ADGRL3: variants seen among roughly 807,000 people sequenced by gnomAD.
The protein encoded by ADGRL3 is adhesion G protein-coupled receptor L3.
ADGRL3 carries 62 observed loss-of-function variants against 153.5 expected under a neutral mutation model. The ratio of observed to expected loss-of-function variants is 0.40; its 90% CI spans 0.33 to 0.50. ADGRL3 has a LOEUF of 0.50. Among genes scored for constraint, ADGRL3 ranks in the 20% least tolerant of loss-of-function variants. The pLI is 0.47. For missense variants in ADGRL3, 1,641 were observed against 1,859.4 expected, an observed-to-expected ratio of 0.88 and a Z score of 2.16; for synonymous variants, 710 against 672.5, an observed-to-expected ratio of 1.06 and a Z score of -0.86.
At chr4:61,929,663 G>C (rs573530555) in intron 13 of ADGRL3, among the ~76,000 whole-genome samples, 1 of 152,294 alleles carries the variant, frequency 6.6e-6, no homozygotes, top group African/African-American at 2.4e-5. Context: ...CCTTCATAAA[G>C]CTTGCCGTCT....
At chr4:61,507,298 G>C (rs145482657) in intron 3 of ADGRL3, among the ~76,000 whole-genome samples, 1 of 152,230 alleles carries the variant, frequency 6.6e-6, no homozygotes, top group African/African-American at 2.4e-5. Context: ...AGGCCTTTTA[G>C]ATTAGTTACA....
rs574545708 is a variant in ADGRL3, at chr4:61,232,900, C to T, written c.-240+31135C>T. On this transcript the variant is annotated intron_variant, in intron 1 of 26. Coordinates refer to ENST00000683033, the MANE Select transcript of ADGRL3 (RefSeq NM_001387552.1). Reference sequence around the variant, plus strand: ...CAATGCTATACTGTGAAACTGTCATCAGGACTTTGACTTACCCAACATTGT... The same window carrying T: ...CAATGCTATACTGTGAAACTGTCATTAGGACTTTGACTTACCCAACATTGT... Among the ~76,000 whole-genome samples, 112 of 152,174 alleles carry T rather than the reference C, an allele frequency of 7.4e-4. No homozygotes were observed. The South Asian group carries it at 8.5e-3, about 12-fold the overall frequency.
chr4:61,319,919 T>G (rs1195068508), intron 1 of ADGRL3, among the ~76,000 whole-genome samples: 1 of 152,172 alleles, frequency 6.6e-6, no homozygotes, highest in African/African-American at 2.4e-5. Flanking sequence ...GCAGCCCAGT[T>G]CATATATTGA....
intron 8 of ADGRL3, among the ~76,000 whole-genome samples, chr4:61,781,331 C>CAAAAAAAAAA (rs71281828): frequency 7.8e-5 from 5 of 64,426 alleles, no homozygotes; most frequent in African/African-American, 2.0e-4. Context: ...ATTCTGCCTC[C>CAAAAAAAAAA]AAAAAAAAAA....
chr4:62,061,561 A>G (rs746347877), intron 25 of ADGRL3, among the ~76,000 whole-genome samples: 6 of 152,014 alleles, frequency 3.9e-5, no homozygotes, highest in Non-Finnish European at 8.8e-5. Flanking sequence ...AGATAATTTT[A>G]TCACCACAAG....
At chr4:61,649,150 G>A (rs2094154211) in intron 5 of ADGRL3, among the ~76,000 whole-genome samples, 1 of 151,864 alleles carries the variant, frequency 6.6e-6, no homozygotes. Context: ...TTTTGGAAAT[G>A]CATGCTAGTA....
At chr4:61,794,579 T>A (rs1450844507) in intron 8 of ADGRL3, among the ~76,000 whole-genome samples, 2 of 152,236 alleles carry the variant, frequency 1.3e-5, no homozygotes, top group African/African-American at 2.4e-5. Flanking sequence ...ATGATTCATT[T>A]CTTGTTGTCT....
chr4:61,570,426 CTTGTTA>C, intron 4 of ADGRL3, among the ~76,000 whole-genome samples: 1 of 152,070 alleles, frequency 6.6e-6, no homozygotes, highest in Non-Finnish European at 1.5e-5. Context: ...CAATTATCAT[CTTGTTA>C]TTCCTTCTAC....
chr4:61,678,888 A>G (rs1252263737), intron 6 of ADGRL3, among the ~76,000 whole-genome samples: 1 of 152,088 alleles, frequency 6.6e-6, no homozygotes, highest in Admixed American at 6.6e-5. Flanking sequence ...CGATTTGAAA[A>G]GAAAATAATC....
chr4:61,215,779 C>T lies in ADGRL3; in HGVS notation c.-240+14014C>T, dbSNP rs542431190. On this transcript the variant is annotated intron_variant, in intron 1 of 26. Transcript: ENST00000683033. ...GTGTTAGCCAGGATGGTGTCGATCT[C>T]CTGACCTCGTGATCCATCCGCCTCG... Among the ~76,000 whole-genome samples, 21 of 151,984 alleles carry T rather than the reference C, an allele frequency of 1.4e-4. No homozygotes were observed. The East Asian group carries it at 3.9e-3, about 28-fold the overall frequency.
chr4:62,069,721 C>A (rs779153776), intron 26 of ADGRL3, among the ~76,000 whole-genome samples: 23 of 152,050 alleles, frequency 1.5e-4, no homozygotes, highest in Non-Finnish European at 2.9e-4. Context: ...ATTTAACTGA[C>A]TTTGATGTGT....
intron 1 of ADGRL3, among the ~76,000 whole-genome samples, chr4:61,358,319 C>T (rs976564297): frequency 2.6e-5 from 4 of 152,024 alleles, no homozygotes; most frequent in South Asian, 2.1e-4. Flanking sequence ...ACCATTGGGC[C>T]GGGAGCGGTG....
chr4:61,889,114 C>T (rs1046783479), intron 9 of ADGRL3, among the ~76,000 whole-genome samples: 1 of 152,170 alleles, frequency 6.6e-6, no homozygotes, highest in African/African-American at 2.4e-5. Context: ...TTACTGAGAG[C>T]TCATTTACTC....
chr4:61,637,558 G>A (rs2093477728), intron 5 of ADGRL3, among the ~76,000 whole-genome samples: 1 of 152,162 alleles, frequency 6.6e-6, no homozygotes, highest in South Asian at 2.1e-4. Context: ...GAGGTTAGGA[G>A]TTTGAGACCA....
At chr4:61,424,323 C>T (rs190870187) in intron 2 of ADGRL3, among the ~76,000 whole-genome samples, 1 of 152,256 alleles carries the variant, frequency 6.6e-6, no homozygotes, top group Admixed American at 6.5e-5. Flanking sequence ...TTGACTGCCG[C>T]ACAGCCATTT....
chr4:61,614,561 C>A (rs775847340), intron 5 of ADGRL3, among the ~76,000 whole-genome samples: 13 of 151,964 alleles, frequency 8.6e-5, no homozygotes, highest in African/African-American at 2.9e-4. Flanking sequence ...ATAGTAATCA[C>A]CCTACTGCTA....
intron 3 of ADGRL3, among the ~76,000 whole-genome samples, chr4:61,507,588 A>G (rs1227160989): frequency 6.6e-6 from 1 of 152,318 alleles, no homozygotes; most frequent in East Asian, 1.9e-4. Context: ...CCCCACCCAA[A>G]TCTCATCTTG....
At chr4:61,558,520 C>T (rs1231979728) in intron 4 of ADGRL3, among the ~76,000 whole-genome samples, 56 of 151,884 alleles carry the variant, frequency 3.7e-4, no homozygotes, top group Non-Finnish European at 2.9e-5. Context: ...AGATCGCTCT[C>T]TCTCTACCAC....
chr4:61,806,985 T>G (rs897439181), intron 8 of ADGRL3, among the ~76,000 whole-genome samples: 2 of 151,874 alleles, frequency 1.3e-5, no homozygotes, highest in African/African-American at 2.4e-5. Context: ...ATATTATTTT[T>G]GTCTTTCTTA....
Sources: allele counts gnomAD v4.1 joint callset (sites outside exome capture counted in the v4.1 genomes callset), GRCh38; gene constraint gnomAD v4.1.1; transcripts MANE v1.5; gene names NCBI Gene and HGNC (gene_info 2026-07-23, HGNC 2026-07-21).